Variants in TFDP2 observed in about 807,000 individuals in gnomAD.
TFDP2 encodes the protein transcription factor Dp-2, also known as transcription factor Dp-2 (E2F dimerization partner 2).
In TFDP2, 17 loss-of-function variants were observed where a neutral mutation model predicts 59.3. The ratio of observed to expected loss-of-function variants is 0.29; its 90% CI spans 0.20 to 0.43. The LOEUF is 0.43. Among genes scored for constraint, TFDP2 ranks in the 20% least tolerant of loss-of-function variants. The pLI is 1.00. For missense variants in TFDP2, 391 were observed against 528.8 expected (o/e 0.74, Z 2.56); for synonymous variants, 180 against 194.7 (o/e 0.92, Z 0.63).
chr3:142,131,822 A>G (rs1052500086), intron 1 of TFDP2, among the ~76,000 whole-genome samples: 1 of 149,834 alleles, frequency 6.7e-6, no homozygotes. Flanking sequence ...CCTGGCCAAC[A>G]TGGCAAAATC....
chr3:141,981,589 T>G (rs76749700), intron 6 of TFDP2, among the ~76,000 whole-genome samples: 1 of 152,216 alleles, frequency 6.6e-6, no homozygotes, highest in East Asian at 1.9e-4. Flanking sequence ...GACAGCATAC[T>G]TATCTTACCT....
intron 9 of TFDP2, among the ~76,000 whole-genome samples, chr3:141,965,593 G>GA (rs1559930972): frequency 8.3e-5 from 12 of 145,268 alleles, no homozygotes; most frequent in African/African-American, 2.9e-4. Flanking sequence ...AAGGAAAGGG[G>GA]AAGGAAAGGA....
At chr3:142,015,748 G>A (rs1026829209) in intron 3 of TFDP2, among the ~76,000 whole-genome samples, 1 of 152,172 alleles carries the variant, frequency 6.6e-6, no homozygotes, top group African/African-American at 2.4e-5. Context: ...CACTTGAAAT[G>A]TGGTTAGACC....
At chr3:142,020,799 C>T (rs562699097) in intron 3 of TFDP2, among the ~76,000 whole-genome samples, 1 of 151,554 alleles carries the variant, frequency 6.6e-6, no homozygotes, top group East Asian at 1.9e-4. Context: ...GCCTGGGCAA[C>T]ATAGTAAGGC....
At chr3:141,994,771 C>T in intron 5 of TFDP2, 1 of 308,600 alleles carries the variant, frequency 3.2e-6, no homozygotes, top group East Asian at 5.4e-5. Context: ...TAAAAGTAGT[C>T]CTATTCCAGA....
At chr3:142,004,052 T>C (rs1332934271) in intron 4 of TFDP2, among the ~76,000 whole-genome samples, 1 of 152,232 alleles carries the variant, frequency 6.6e-6, no homozygotes. Context: ...AGGTGCTTTA[T>C]CTCATTTGCA....
intron 9 of TFDP2, among the ~76,000 whole-genome samples, chr3:141,965,568 G>A (rs964848330): frequency 1.4e-5 from 2 of 146,802 alleles, no homozygotes; most frequent in East Asian, 2.0e-4. Context: ...GGAGGGGAAG[G>A]GGAAGGGGAA....
intron 6 of TFDP2, among the ~76,000 whole-genome samples, chr3:141,988,771 C>T (rs956039292): frequency 7.4e-5 from 11 of 148,288 alleles, no homozygotes; most frequent in East Asian, 6.0e-4. Context: ...CAGGTTCAAG[C>T]GATTCTCCTG....
intron 1 of TFDP2, among the ~76,000 whole-genome samples, chr3:142,141,090 C>G (rs2062940363): frequency 6.6e-6 from 1 of 152,194 alleles, no homozygotes; most frequent in Non-Finnish European, 1.5e-5. Flanking sequence ...CACCCCTCCC[C>G]CAACCCGGCT....
intron 3 of TFDP2, among the ~76,000 whole-genome samples, chr3:142,084,893 GAATAAAT>G (rs1488787096): frequency 6.6e-6 from 1 of 151,866 alleles, no homozygotes; most frequent in Non-Finnish European, 1.5e-5. Flanking sequence ...AAAACAGAAA[GAATAAAT>G]AATATTTGAT....
At chr3:141,966,985 C>G (rs558275342) in intron 9 of TFDP2, among the ~76,000 whole-genome samples, 1 of 148,960 alleles carries the variant, frequency 6.7e-6, no homozygotes, top group East Asian at 1.9e-4. Flanking sequence ...GGTGCAATCT[C>G]GGCTCACTGC....
intron 3 of TFDP2, among the ~76,000 whole-genome samples, chr3:142,045,940 C>T (rs1184541111): frequency 1.3e-5 from 2 of 152,110 alleles, no homozygotes; most frequent in East Asian, 1.9e-4. Context: ...AAACTTTATC[C>T]ACACAAGCCA....
chr3:142,027,454 AAAG>A (rs1323140248), intron 3 of TFDP2, among the ~76,000 whole-genome samples: 1 of 151,940 alleles, frequency 6.6e-6, no homozygotes, highest in Non-Finnish European at 1.5e-5. Context: ...TTCCTAACTG[AAAG>A]AAGAAAGACT....
intron 7 of TFDP2, among the ~76,000 whole-genome samples, 186 bp from the exon 8 acceptor site, chr3:141,974,377 A>G (rs962693217): frequency 6.6e-6 from 1 of 152,180 alleles, no homozygotes; most frequent in East Asian, 1.9e-4. Context: ...AAAATTAAAG[A>G]TGAAATAAAA....
At chr3:142,088,679 T>C (rs1333952010) in intron 3 of TFDP2, among the ~76,000 whole-genome samples, 2 of 149,806 alleles carry the variant, frequency 1.3e-5, no homozygotes, top group African/African-American at 4.9e-5. Flanking sequence ...TGTGCAATCA[T>C]AGCTCACTGC....
Position 142,056,004 on chromosome 3 carries a change from A to G in TFDP2, c.82+37057T>C, listed in dbSNP as rs563312690. On this transcript the variant is annotated intron_variant, in intron 3 of 12. Transcript: ENST00000489671. ...AGTCTCGCTCTGTCGCCCAGGCTGG[A>G]GTGCAGTGGCATGATCTCGGCTCAC... is the stretch of plus-strand genomic sequence containing the variant. Among the ~76,000 whole-genome samples the G allele has an allele frequency of 4.7e-4, 54 of 115,180 alleles. No homozygotes were observed. The Admixed American group carries it at 5.0e-3, about 11-fold the overall frequency. The allele number at this position is 115,180 out of a possible 152,430, so 75.6% of individuals were successfully genotyped here. A position where few individuals can be genotyped will look rare whatever the true frequency, so the allele number is the denominator to read the frequency against.
chr3:142,070,196 C>T (rs1017522300), intron 3 of TFDP2, among the ~76,000 whole-genome samples: 3 of 152,160 alleles, frequency 2.0e-5, no homozygotes, highest in South Asian at 2.1e-4. Flanking sequence ...CGTGAGCCAC[C>T]GCACCTGGCC....
At chr3:141,965,593 GAAGGAAAGGAAAGGA>G (rs372030999) in intron 9 of TFDP2, among the ~76,000 whole-genome samples, 2 of 145,176 alleles carry the variant, frequency 1.4e-5, no homozygotes, top group African/African-American at 2.6e-5. Context: ...AAGGAAAGGG[GAAGGAAAGGAAAGGA>G]AAGGAAAGGA....
At chr3:141,964,061 A>G in intron 9 of TFDP2, 98 bp from the exon 10 acceptor site, 1 of 1,171,378 alleles carries the variant, frequency 8.5e-7, no homozygotes, top group Non-Finnish European at 1.2e-6. Context: ...TTAAAATTAG[A>G]GTTTAAAGAG....
Sources: allele counts gnomAD v4.1 joint callset (sites outside exome capture counted in the v4.1 genomes callset), GRCh38; gene constraint gnomAD v4.1.1; transcripts MANE v1.5; gene names NCBI Gene and HGNC (gene_info 2026-07-23, HGNC 2026-07-21).